The following RRM2 variants were observed in gnomAD, a reference collection of about 807,000 sequenced individuals.
RRM2 encodes ribonucleotide reductase regulatory subunit M2, also known as ribonucleoside-diphosphate reductase subunit M2.
A neutral mutation model predicts 45.9 loss-of-function variants in RRM2; 6 were observed. That is an observed-to-expected ratio of 0.13 (90% CI 0.07 to 0.26). The LOEUF is 0.26. RRM2 is among the 10% of genes least tolerant of loss of function. RRM2 has a pLI of 1.00. For synonymous variants in RRM2, 177 were observed against 173.0 expected, an observed-to-expected ratio of 1.02 and a Z score of -0.18; for missense variants, 343 against 489.5, an observed-to-expected ratio of 0.70 and a Z score of 2.82.
intron 3 of RRM2, among the ~76,000 whole-genome samples, chr2:10,144,059 G>A (rs1453375247): frequency 6.6e-6 from 1 of 152,232 alleles, no homozygotes; most frequent in Non-Finnish European, 1.5e-5. Context: ...TGTCCGCTCT[G>A]CCATCACTAT....
chr2:10,170,513 CGA>C (rs142196072), intron 3 of RRM2, among the ~76,000 whole-genome samples: 20 of 149,350 alleles, frequency 1.3e-4, no homozygotes, highest in African/African-American at 2.9e-4. Flanking sequence ...TCCTGTCAGG[CGA>C]GAGAGAGAGA....
chr2:10,176,411 G>A (rs1293406777), intron 3 of RRM2, among the ~76,000 whole-genome samples: 1 of 152,208 alleles, frequency 6.6e-6, no homozygotes, highest in African/African-American at 2.4e-5. Context: ...TGGGATTACA[G>A]ACATACGCCA....
intron 3 of RRM2, among the ~76,000 whole-genome samples, chr2:10,208,816 C>G (rs1342159423): frequency 6.6e-6 from 1 of 152,124 alleles, no homozygotes; most frequent in Non-Finnish European, 1.5e-5. Context: ...CCACAATCCA[C>G]CCAGTGCCAA....
At chr2:10,126,162 TA>T (rs532815964) in intron 5 of RRM2, among the ~76,000 whole-genome samples, 977 of 89,296 alleles carry the variant, frequency 0.011, 11 homozygotes, top group African/African-American at 0.039. Context: ...CTCATCTCTT[TA>T]AAAAAAAAAA....
chr2:10,139,699 G>A (rs1215796153), upstream of RRM2, among the ~76,000 whole-genome samples: 1 of 152,204 alleles, frequency 6.6e-6, no homozygotes, highest in Non-Finnish European at 1.5e-5. Flanking sequence ...GGGCGTTTCA[G>A]AGAGCTGGAC....
Position 10,194,569 on chromosome 2 carries a change from A to T in RRM2, n.483-15742A>T, listed in dbSNP as rs564414599. ...CTTCTCCGTCCTGCTTCACTGCCTT[A>T]TGGCACGTGTCCATTTCCCCAACCA... is the stretch of plus-strand genomic sequence containing the variant. On this transcript the variant is annotated intron_variant and non_coding_transcript_variant, in intron 3 of 3. Transcript: ENST00000381786. 2.6e-5 allele frequency among the ~76,000 whole-genome samples: 4 copies of T among 152,290 alleles called. No homozygotes were observed. In the South Asian group the frequency reaches 8.3e-4, roughly 32 times the overall value.
At position 10,144,789 on chromosome 2, in the gene RRM2, C is replaced by A. The variant is rs1391471211; in HGVS notation, n.482+2414C>A. ...GGAGAGGCCCCGGTGTCAGCCTGCA[C>A]TTGCCGTCAGTAAATGGTACGACAT... On this transcript the variant is annotated intron_variant and non_coding_transcript_variant, in intron 3 of 3. Coordinates refer to the RRM2 transcript ENST00000381786. Among the ~76,000 whole-genome samples, 5 of 152,282 alleles carry A rather than the reference C, an allele frequency of 3.3e-5. No individual in the cohort carries two copies. In the East Asian group the frequency reaches 9.6e-4, roughly 29 times the overall value.
At chr2:10,157,653 G>A (rs1284763991) in intron 3 of RRM2, among the ~76,000 whole-genome samples, 2 of 152,160 alleles carry the variant, frequency 1.3e-5, no homozygotes, top group Non-Finnish European at 2.9e-5. Flanking sequence ...CTGTGTTGCA[G>A]GTAGCTGTAA....
chr2:10,199,800 A>AAAAACAAAAAAAAAC (rs1553329431), intron 3 of RRM2, among the ~76,000 whole-genome samples: 1 of 97,884 alleles, frequency 1.0e-5, no homozygotes, highest in Non-Finnish European at 1.9e-5. Flanking sequence ...AAAAAAAAAA[A>AAAAACAAAAAAAAAC]AAAAAAAAAC....
In RRM2 at chr2:10,124,777, A is replaced by G; in HGVS notation, c.496A>G (p.Ile166Val). 1 of 1,612,444 alleles carries G rather than the reference A, an allele frequency of 6.2e-7. No individual in the cohort carries two copies. The highest frequency in any genetic ancestry group is 8.5e-7 in the Non-Finnish European group (1 of 1,179,498). Residue 166 changes from isoleucine to valine, a missense_variant, in exon 5 of 10, where the codon ATT becomes GTT. By Grantham distance (29) the Ile-to-Val change is conservative (BLOSUM62 3). Transcript: ENST00000304567. ...TEARCFYGFQ[I>V]AMENIHSEMY... is the part of the protein sequence containing the mutation. ...AGCCCGCTGTTTCTATGGCTTCCAAATTGCCATGGAAAACATACATTCTGA... is the reference window on the plus strand; with the variant it reads ...AGCCCGCTGTTTCTATGGCTTCCAAGTTGCCATGGAAAACATACATTCTGA...
At chr2:10,197,666 C>A (rs1319760932) in intron 3 of RRM2, among the ~76,000 whole-genome samples, 12 of 152,168 alleles carry the variant, frequency 7.9e-5, no homozygotes. Flanking sequence ...CCCCAGTGCT[C>A]CTGGTCCTTT....
intron 3 of RRM2, among the ~76,000 whole-genome samples, chr2:10,148,401 G>GAAA (rs34065891): frequency 6.6e-6 from 1 of 151,028 alleles, no homozygotes; most frequent in Non-Finnish European, 1.5e-5. Flanking sequence ...GGGACTAAAT[G>GAAA]AAAAAAAAAT....
rs1240844078 is a variant in RRM2, at chr2:10,181,749, TCTCTC to T, written n.483-28561_483-28557del. Among the ~76,000 whole-genome samples, 5 of 102,320 alleles carry T rather than the reference TCTCTC, an allele frequency of 4.9e-5. No individual in the cohort carries two copies. The Admixed American group carries it at 5.4e-4, about 11-fold the overall frequency. The allele number at this position is 102,320 out of a possible 152,430, so 67.1% of individuals were successfully genotyped here. A position where few individuals can be genotyped will look rare whatever the true frequency, so the allele number is the denominator to read the frequency against. ...GACAGACTGCACAGCTCTCTCTCTC[TCTCTC>T]TTTTTTTTTTTTTTTTTTTTTTTTT... On this transcript the variant is annotated intron_variant and non_coding_transcript_variant, in intron 3 of 3. Coordinates refer to the RRM2 transcript ENST00000381786.
chr2:10,155,210 G>T, intron 3 of RRM2: 1 of 276,458 alleles, frequency 3.6e-6, no homozygotes, highest in Non-Finnish European at 7.2e-6. Flanking sequence ...GGGCCTAATG[G>T]GGTTTCTTTA....
At chr2:10,178,814 G>A (rs1331438822) in intron 3 of RRM2, among the ~76,000 whole-genome samples, 2 of 152,134 alleles carry the variant, frequency 1.3e-5, no homozygotes, top group Admixed American at 1.3e-4. Context: ...ATTAAGTCAC[G>A]AGGGCTGTGA....
rs372299576 is a variant in RRM2, at chr2:10,123,122, A to C, written c.174+65A>C. ...TTGGGCGTCTTGGCGCCAAAGCCGC[A>C]TTGTTTCCTCAGCTGTTCACACTCC... On this transcript the variant is annotated intron_variant, in intron 2 of 9. Transcript: ENST00000304567. 80 of 1,492,266 alleles carry C rather than the reference A, an allele frequency of 5.4e-5. 2 individuals carry two copies. The highest frequency in any genetic ancestry group is 4.2e-4 in the East Asian group (17 of 40,460). The allele number at this position is 1,492,266 out of a possible 1,614,324, so 92.4% of individuals were successfully genotyped here.
At chr2:10,177,710 T>TTCCTCCCTCCCTCCCTCC (rs1553326755) in intron 3 of RRM2, among the ~76,000 whole-genome samples, 80 of 116,574 alleles carry the variant, frequency 6.9e-4, no homozygotes, top group African/African-American at 2.4e-3. Context: ...TTCCTTCCTC[T>TTCCTCCCTCCCTCCCTCC]CTCCCTCCCT....
intron 5 of RRM2, among the ~76,000 whole-genome samples, chr2:10,125,502 G>A (rs903771330): frequency 1.3e-5 from 2 of 152,090 alleles, no homozygotes; most frequent in African/African-American, 2.4e-5. Context: ...TCAGGAGATC[G>A]AGACCATCCT....
intron 3 of RRM2, among the ~76,000 whole-genome samples, chr2:10,192,080 TGGGCGG>T (rs1664318238): frequency 7.0e-6 from 1 of 141,968 alleles, no homozygotes; most frequent in Non-Finnish European, 1.5e-5. Flanking sequence ...GAGGCCAGGG[TGGGCGG>T]GGGCTGGAGC....
Sources: gnomAD v4.1 joint callset for allele counts (sites outside exome capture counted in the v4.1 genomes callset) on GRCh38, gnomAD v4.1.1 for gene constraint, MANE v1.5 for transcripts, NCBI Gene and HGNC (gene_info 2026-07-23, HGNC 2026-07-21) for gene names.